The following ZNF609 variants were observed in gnomAD, a reference collection of about 807,000 sequenced individuals.
The protein encoded by ZNF609 is zinc finger protein 609.
In ZNF609, 11 loss-of-function variants were observed where a neutral mutation model predicts 109.5. The observed-to-expected ratio is 0.10, with a 90% confidence interval of 0.06 to 0.17. ZNF609 has a LOEUF of 0.17. Ranked by LOEUF, ZNF609 falls within the 10% of genes least tolerant of loss-of-function variation. The probability of loss-of-function intolerance (pLI) is 1.00; values close to 1 mark genes in which losing one functional copy is unlikely to be tolerated. For synonymous variants in ZNF609, 646 were observed against 662.0 expected (o/e 0.98, Z 0.37); for missense variants, 1,559 against 1,772.4 (o/e 0.88, Z 2.16).
intron 3 of ZNF609, among the ~76,000 whole-genome samples, chr15:64,668,318 AT>A (rs1567043137): frequency 1.3e-5 from 2 of 152,232 alleles, no homozygotes; most frequent in Non-Finnish European, 2.9e-5. Context: ...TATAAAACAA[AT>A]ACAACAAGAC....
chr15:64,580,359 T>A (rs899078778), intron 2 of ZNF609, among the ~76,000 whole-genome samples: 3 of 152,208 alleles, frequency 2.0e-5, no homozygotes, highest in African/African-American at 7.2e-5. Flanking sequence ...CCACTGAGTT[T>A]ATGGTAATAG....
chr15:64,481,411 C>T (rs532328560), intron 1 of ZNF609, among the ~76,000 whole-genome samples: 15 of 150,440 alleles, frequency 1.0e-4, no homozygotes, highest in South Asian at 2.1e-4. Flanking sequence ...ACCTCTGCCT[C>T]CCAGGTTCAA....
chr15:64,644,907 A>G (rs1444980679), intron 3 of ZNF609, among the ~76,000 whole-genome samples: 1 of 152,236 alleles, frequency 6.6e-6, no homozygotes, highest in Non-Finnish European at 1.5e-5. Flanking sequence ...AATTCAAAGC[A>G]TAATTTCAGA....
chr15:64,548,550 T>G (rs377007129), intron 2 of ZNF609, among the ~76,000 whole-genome samples: 22 of 152,212 alleles, frequency 1.4e-4, no homozygotes, highest in East Asian at 1.3e-3. Flanking sequence ...TGCTGGAGCC[T>G]AGGAATTCAA....
At chr15:64,566,176 ATCT>A (rs928131890) in intron 2 of ZNF609, among the ~76,000 whole-genome samples, 1 of 152,180 alleles carries the variant, frequency 6.6e-6, no homozygotes, top group Non-Finnish European at 1.5e-5. Flanking sequence ...TTTTAGATGC[ATCT>A]TCTAGCCAGG....
chr15:64,617,738 C>T (rs1895821255), intron 2 of ZNF609, among the ~76,000 whole-genome samples: 1 of 152,136 alleles, frequency 6.6e-6, no homozygotes, highest in African/African-American at 2.4e-5. Flanking sequence ...TGAGATCACG[C>T]CATTGCACTC....
At chr15:64,501,658 G>A (rs1404855488) in intron 2 of ZNF609, 1 of 152,156 alleles carries the variant, frequency 6.6e-6, no homozygotes, top group Non-Finnish European at 1.5e-5. Flanking sequence ...CCATTAGACT[G>A]TTCCCTACAT....
intron 1 of ZNF609, among the ~76,000 whole-genome samples, chr15:64,497,962 A>C (rs1893508407): frequency 6.6e-6 from 1 of 152,056 alleles, no homozygotes; most frequent in Non-Finnish European, 1.5e-5. Context: ...AATAAGCAAG[A>C]ACAGAACTCT....
chr15:64,601,645 C>T (rs1595734446), intron 2 of ZNF609, among the ~76,000 whole-genome samples: 1 of 152,200 alleles, frequency 6.6e-6, no homozygotes, highest in Non-Finnish European at 1.5e-5. Flanking sequence ...CCAAATTAAT[C>T]ATATTTGAGA....
At chr15:64,567,211 C>T (rs1226614397) in intron 2 of ZNF609, among the ~76,000 whole-genome samples, 6 of 152,142 alleles carry the variant, frequency 3.9e-5, no homozygotes, top group Non-Finnish European at 7.4e-5. Context: ...TCCAGCTGGG[C>T]GCCATGACTC....
intron 2 of ZNF609, among the ~76,000 whole-genome samples, chr15:64,505,263 C>T (rs149405687): frequency 1.0e-3 from 156 of 152,282 alleles, no homozygotes; most frequent in Middle Eastern, 3.4e-3. Flanking sequence ...TGGAATATTT[C>T]ATCCAGCCAA....
rs542327805 is a variant in ZNF609, at chr15:64,607,948, G to C, written c.748-14879G>C. On this transcript the variant is annotated intron_variant, in intron 2 of 9. Coordinates refer to ENST00000326648, the MANE Select transcript of ZNF609 (RefSeq NM_015042.2). Reference sequence around the variant, plus strand: ...GAGTCTCACTCTGTTGCCCGGGCTAGAGTAGGGTGGCAGGATCTCGGCTCA... The same window carrying C: ...GAGTCTCACTCTGTTGCCCGGGCTACAGTAGGGTGGCAGGATCTCGGCTCA... Among the ~76,000 whole-genome samples the C allele has an allele frequency of 2.6e-5, 3 of 116,600 alleles. No individual in the cohort carries two copies. The South Asian group carries it at 8.9e-4, about 35-fold the overall frequency. The allele number at this position is 116,600 out of a possible 152,430, so 76.5% of individuals were successfully genotyped here.
intron 2 of ZNF609, among the ~76,000 whole-genome samples, chr15:64,550,852 A>T (rs921350960): frequency 1.3e-5 from 2 of 151,998 alleles, no homozygotes; most frequent in Non-Finnish European, 2.9e-5. Context: ...AAAAAAAAAA[A>T]AAAAGAAACA....
chr15:64,531,077 C>T (rs1426506981), intron 2 of ZNF609, among the ~76,000 whole-genome samples: 2 of 152,076 alleles, frequency 1.3e-5, no homozygotes, highest in South Asian at 2.1e-4. Flanking sequence ...CATTTAATAC[C>T]TATAGCTCTC....
chr15:64,555,930 T>A (rs1894577815), intron 2 of ZNF609, among the ~76,000 whole-genome samples: 1 of 135,082 alleles, frequency 7.4e-6, no homozygotes, highest in African/African-American at 2.7e-5. Context: ...GAAGATTCAG[T>A]GAAGTATAGA....
In ZNF609 at chr15:64,577,238, CATAT is replaced by C. The variant is rs1161177580; in HGVS notation, c.748-45584_748-45581del. On this transcript the variant is annotated intron_variant, in intron 2 of 9. Transcript: ENST00000326648. The stretch of plus-strand genomic sequence containing the variant: ...GTATATATATACACACAAATACATA[CATAT>C]ATATGTATATATATACACACAAATA... Among the ~76,000 whole-genome samples the C allele has an allele frequency of 7.2e-4, 22 of 30,506 alleles. 3 individuals carry two copies. The highest frequency in any genetic ancestry group is 1.4e-3 in the African/African-American group (21 of 15,428). The allele number at this position is 30,506 out of a possible 152,430, so 20.0% of individuals were successfully genotyped here.
At chr15:64,493,909 A>T (rs1220998371) in intron 1 of ZNF609, among the ~76,000 whole-genome samples, 1 of 152,198 alleles carries the variant, frequency 6.6e-6, no homozygotes. Flanking sequence ...AAAGCCAGGG[A>T]TGCTGTAGGG....
At chr15:64,483,985 G>A (rs1446109283) in intron 1 of ZNF609, among the ~76,000 whole-genome samples, 3 of 151,228 alleles carry the variant, frequency 2.0e-5, no homozygotes, top group Admixed American at 6.6e-5. Context: ...CCATTGCACT[G>A]TGCTGCTTCC....
intron 2 of ZNF609, among the ~76,000 whole-genome samples, chr15:64,551,226 T>C (rs1595715364): frequency 6.6e-6 from 1 of 152,318 alleles, no homozygotes; most frequent in African/African-American, 2.4e-5. Context: ...CTGGTTCATT[T>C]TGAATTAATT....
Sources: gnomAD v4.1 joint callset for allele counts (sites outside exome capture counted in the v4.1 genomes callset) on GRCh38, gnomAD v4.1.1 for gene constraint, MANE v1.5 for transcripts, NCBI Gene and HGNC (gene_info 2026-07-23, HGNC 2026-07-21) for gene names.